The following ABCC6 variants were observed in gnomAD, a reference collection of about 807,000 sequenced individuals.
ABCC6 encodes the protein ATP binding cassette subfamily C member 6.
ABCC6 carries 126 observed loss-of-function variants against 169.5 expected under a neutral mutation model. The observed-to-expected ratio is 0.74, with a 90% CI of 0.64 to 0.86. The LOEUF is 0.86. Among genes scored for constraint, ABCC6 ranks in the 40% least tolerant of loss-of-function variants. The pLI, the probability that ABCC6 is intolerant of heterozygous loss-of-function variation, is 0.00. For synonymous variants in ABCC6, 752 were observed against 814.7 expected (o/e 0.92, Z 1.31); for missense variants, 1,733 against 1,927.2 (o/e 0.90, Z 1.89).
intron 4 of ABCC6, among the ~76,000 whole-genome samples, chr16:16,215,438 GGTGTGTGTGTGT>G (rs56229208): frequency 5.1e-5 from 7 of 136,932 alleles, no homozygotes; most frequent in East Asian, 4.2e-4. Context: ...TTTAATTTTA[GGTGTGTGTGTGT>G]GTGTGTGTGT....
chr16:16,208,396 G>A (rs1260575258), intron 7 of ABCC6, among the ~76,000 whole-genome samples: 1 of 150,454 alleles, frequency 6.6e-6, no homozygotes, highest in Non-Finnish European at 1.5e-5. Context: ...TTTTTGATAC[G>A]GAGTCTGGCC....
chr16:16,196,627 A>G (rs889029609), intron 10 of ABCC6, among the ~76,000 whole-genome samples: 2 of 152,296 alleles, frequency 1.3e-5, no homozygotes, highest in East Asian at 3.9e-4. Flanking sequence ...TTGCACACAG[A>G]TTCACAACTG....
chr16:16,182,787 G>T lies in ABCC6; in HGVS notation c.2070+17C>A, dbSNP rs2047519557. 3 of 1,613,776 alleles carry T rather than the reference G, an allele frequency of 1.9e-6. No homozygotes were observed. ...AGGATGGGGACATCCTAGCAGACAG[G>T]CTGGGGGTGGCCTCACCTCGATGCT... On this transcript the variant is annotated intron_variant, in intron 16 of 30. Coordinates refer to ENST00000205557, the MANE Select transcript of ABCC6 (RefSeq NM_001171.6).
intron 4 of ABCC6, among the ~76,000 whole-genome samples, chr16:16,215,564 C>A (rs1419781080): frequency 6.6e-6 from 1 of 151,180 alleles, no homozygotes; most frequent in Non-Finnish European, 1.5e-5. Context: ...CCCTCCGCCT[C>A]CTGGGTTCAA....
intron 13 of ABCC6, among the ~76,000 whole-genome samples, chr16:16,188,484 G>C (rs2047727226): frequency 6.6e-6 from 1 of 152,176 alleles, no homozygotes; most frequent in Non-Finnish European, 1.5e-5. Context: ...GAAAGGACTA[G>C]AGATAGCAAA....
intron 9 of ABCC6, among the ~76,000 whole-genome samples, chr16:16,200,535 A>C (rs1596710678): frequency 6.9e-6 from 1 of 145,478 alleles, no homozygotes; most frequent in Non-Finnish European, 1.5e-5. Flanking sequence ...AGGAAGATCA[A>C]TGCCTGCTCA....
In ABCC6 at chr16:16,150,136, G is replaced by T; in HGVS notation, c.4509C>A (p.Val1503=). 6.2e-7 allele frequency: 1 copy of T among 1,612,380 alleles called. No individual in the cohort carries two copies. The highest frequency in any genetic ancestry group is 8.5e-7 in the Non-Finnish European group (1 of 1,179,990). The change falls in exon 31 of 31, where the codon GTC becomes GTA. Residue 1503 remains valine (V), a synonymous_variant. Transcript: ENST00000205557. ...FYRLAQESGL[V] is the part of the protein sequence containing the mutation. ...GGGTACGGTTGAGGGTCCTGGCTCA[G>T]ACCAGGCCTGACTCCTGGGCCAGTC... is the stretch of plus-strand genomic sequence containing the variant.
In ABCC6 at chr16:16,212,325, T is replaced by G. The variant is rs1369584854; in HGVS notation, c.601-79A>C. ...GACGAACTGTGTATTTTTTTTTTTT[T>G]CGAGACAGGGTTTCGCTCTGTTGCC... On this transcript the variant is annotated intron_variant, in intron 5 of 30. Coordinates refer to ENST00000205557, the MANE Select transcript of ABCC6 (RefSeq NM_001171.6). 2.7e-5 allele frequency: 27 copies of G among 1,014,548 alleles called. No homozygotes were observed. The East Asian group carries it at 6.6e-4, about 25-fold the overall frequency. 62.8% of individuals were successfully genotyped at this position (1,014,548 alleles called of 1,614,324 possible).
At chr16:16,203,342 C>T (rs2048301454) in intron 8 of ABCC6, 68 bp downstream of exon 8, 2 of 1,607,676 alleles carry the variant, frequency 1.2e-6, no homozygotes, top group Admixed American at 3.4e-5. Context: ...GCTGAAGCCC[C>T]CTGGCCCTGG....
chr16:16,156,781 A>G (rs910036441), intron 27 of ABCC6, among the ~76,000 whole-genome samples: 2 of 151,782 alleles, frequency 1.3e-5, no homozygotes, highest in South Asian at 4.2e-4. Flanking sequence ...TGTCTCTACT[A>G]AAAATACAAA....
intron 24 of ABCC6, among the ~76,000 whole-genome samples, chr16:16,161,838 G>T (rs1157266645): frequency 2.0e-5 from 3 of 152,132 alleles, no homozygotes; most frequent in African/African-American, 7.2e-5. Context: ...ATGTCCACCT[G>T]CCATTCCCCT....
chr16:16,154,606 A>T (rs1168469558), intron 29 of ABCC6, 22 bp downstream of exon 29: 1 of 1,611,452 alleles, frequency 6.2e-7, no homozygotes, highest in South Asian at 1.1e-5. Flanking sequence ...TGCAGGTCCC[A>T]GCCATGGTGG....
intron 9 of ABCC6, among the ~76,000 whole-genome samples, chr16:16,201,012 G>A (rs1194769209): frequency 6.6e-6 from 1 of 152,120 alleles, no homozygotes; most frequent in Admixed American, 6.5e-5. Context: ...TCTTACCCAG[G>A]CTGCGCTGTA....
rs1567511610 is a variant in ABCC6 at position 16,188,990 on chromosome 16, GA to G, written c.1636-17del. The G allele has an allele frequency of 6.2e-7, 1 of 1,612,654 alleles. No individual in the cohort carries two copies. Among genetic ancestry groups the G allele is most frequent in the East Asian group, 2.2e-5 (1 of 44,868 alleles). On this transcript the variant is annotated splice_polypyrimidine_tract_variant and intron_variant, in intron 12 of 30. Transcript: ENST00000205557. The stretch of plus-strand genomic sequence containing the variant: ...CCAGTGCGACCTGGGGGGTGGGGGG[GA>G]CACGTGGGGCAACAGTGAGACACGC...
chr16:16,172,063 G>GGGTGGGTGGGATGGATAAATC (rs2047106676), intron 21 of ABCC6, among the ~76,000 whole-genome samples: 1 of 28,186 alleles, frequency 3.5e-5, no homozygotes, highest in Non-Finnish European at 6.6e-5. Context: ...ATGGATAAAT[G>GGGTGGGTGGGATGGATAAATC]AGTGGGTGGG....
chr16:16,158,797 C>T (rs1174455300), intron 26 of ABCC6, among the ~76,000 whole-genome samples: 1 of 152,068 alleles, frequency 6.6e-6, no homozygotes, highest in African/African-American at 2.4e-5. Context: ...CATCATGTTA[C>T]TATAATGTTG....
chr16:16,153,367 TAGAG>T (rs2046444720), intron 29 of ABCC6, among the ~76,000 whole-genome samples: 1 of 152,162 alleles, frequency 6.6e-6, no homozygotes, highest in Non-Finnish European at 1.5e-5. Flanking sequence ...CTTAAAAAGG[TAGAG>T]AATCTGACAC....
At chr16:16,186,431 C>T (rs890745917) in intron 14 of ABCC6, among the ~76,000 whole-genome samples, 3 of 151,856 alleles carry the variant, frequency 2.0e-5, no homozygotes, top group East Asian at 1.9e-4. Context: ...AGGAGGTGAG[C>T]GCAGGGCAGG....
intron 24 of ABCC6, 98 bp downstream of exon 24, chr16:16,162,895 T>A: frequency 4.0e-6 from 6 of 1,501,200 alleles, no homozygotes; most frequent in Non-Finnish European, 5.6e-6. Context: ...TGTCCCTGAC[T>A]CTCTGGGTGA....
Sources: gnomAD v4.1 joint callset for allele counts (sites outside exome capture counted in the v4.1 genomes callset) on GRCh38, gnomAD v4.1.1 for gene constraint, MANE v1.5 for transcripts, NCBI Gene and HGNC (gene_info 2026-07-23, HGNC 2026-07-21) for gene names.